GABRA3: variants seen among roughly 807,000 people sequenced by gnomAD.
The protein encoded by GABRA3 is gamma-aminobutyric acid receptor subunit alpha-3.
A neutral mutation model predicts 30.1 loss-of-function variants in GABRA3; 10 were observed. That is an observed-to-expected ratio of 0.33 (90% CI 0.20 to 0.56). GABRA3 has a LOEUF of 0.56. Among genes scored for constraint, GABRA3 ranks in the 20% least tolerant of loss-of-function variants. The pLI is 0.89. For missense variants in GABRA3, 233 were observed against 392.0 expected (o/e 0.59, Z 3.42); for synonymous variants, 151 against 146.8 (o/e 1.03, Z -0.21).
At chrX:152,304,244 G>A (rs953029558) in intron 3 of GABRA3, among the ~76,000 whole-genome samples, 2 of 111,821 alleles carry the variant, frequency 1.8e-5, no homozygotes, top group East Asian at 5.7e-4. Flanking sequence ...CTCTCATTCT[G>A]TAGGTTGTCT....
intron 1 of GABRA3, among the ~76,000 whole-genome samples, chrX:152,384,587 C>T (rs1190709200): frequency 1.8e-5 from 2 of 111,938 alleles, no homozygotes; most frequent in Non-Finnish European, 3.8e-5. Context: ...TAAATTGTAA[C>T]CTTACCCATA....
intron 1 of GABRA3, among the ~76,000 whole-genome samples, chrX:152,424,130 C>T (rs1426240339): frequency 9.1e-6 from 1 of 110,054 alleles, no homozygotes; most frequent in African/African-American, 3.3e-5. Context: ...TTCTCTAGAT[C>T]CCAGCATTCT....
At chrX:152,386,849 T>G (rs1276856073) in intron 1 of GABRA3, among the ~76,000 whole-genome samples, 3 of 109,329 alleles carry the variant, frequency 2.7e-5, no homozygotes, top group Admixed American at 2.0e-4. Context: ...CATGCACACG[T>G]ATGTTTATTG....
At chrX:152,427,999 C>G (rs187148119) in intron 1 of GABRA3, among the ~76,000 whole-genome samples, 11 of 112,279 alleles carry the variant, frequency 9.8e-5, no homozygotes, top group African/African-American at 3.2e-4. Context: ...TTATATTACC[C>G]TAAACATCTT....
intron 1 of GABRA3, among the ~76,000 whole-genome samples, chrX:152,389,674 CAATGTACCCTAAGACAACTGCAA>C (rs1201462138): frequency 3.6e-5 from 4 of 111,408 alleles, no homozygotes; most frequent in African/African-American, 9.8e-5. Context: ...CATATGATCA[CAATGTACCCTAAGACAACTGCAA>C]AATGAGCTCT....
Position 152,355,567 on chromosome X carries a change from C to T in GABRA3, c.140+8864G>A, listed in dbSNP as rs1025435718. Among the ~76,000 whole-genome samples the T allele has an allele frequency of 6.3e-5, 7 of 111,562 alleles. No individual in the cohort carries two copies. The Admixed American group carries it at 6.6e-4, about 11-fold the overall frequency. ...CCTTAGGTTCTTACTCTATTCCTTG[C>T]GGTTTCCCTCCACTTAGATCATAAC... On this transcript the variant is annotated intron_variant, in intron 2 of 9. Coordinates refer to ENST00000370314, the MANE Select transcript of GABRA3 (RefSeq NM_000808.4).
chrX:152,378,370 T>A (rs374007186), intron 1 of GABRA3, among the ~76,000 whole-genome samples: 25 of 111,520 alleles, frequency 2.2e-4, no homozygotes, highest in African/African-American at 8.1e-4. Context: ...ATCTGCAGAG[T>A]ACAGGATATT....
At chrX:152,362,885 CT>C (rs1928548902) in intron 2 of GABRA3, among the ~76,000 whole-genome samples, 1 of 111,630 alleles carries the variant, frequency 9.0e-6, no homozygotes, top group Admixed American at 9.5e-5. Context: ...ATATTTTTGT[CT>C]GTTTGTTGTT....
chrX:152,251,173 T>C (rs1423990182), intron 5 of GABRA3: 1 of 316,100 alleles, frequency 3.2e-6, no homozygotes, highest in East Asian at 1.1e-4. Flanking sequence ...ACTTCCTCTA[T>C]TCTGTAAAAC....
intron 5 of GABRA3, among the ~76,000 whole-genome samples, chrX:152,238,876 TTCTC>T (rs1199349351): frequency 9.0e-6 from 1 of 111,325 alleles, no homozygotes; most frequent in Non-Finnish European, 1.9e-5. Context: ...TATTTGATTC[TTCTC>T]TCTTTTTTTC....
chrX:152,277,934 G>A (rs1939118214), intron 4 of GABRA3, among the ~76,000 whole-genome samples: 1 of 111,266 alleles, frequency 9.0e-6, no homozygotes, highest in African/African-American at 3.3e-5. Flanking sequence ...GCAGTGTATG[G>A]GGCCAAGGCA....
chrX:152,274,605 G>T (rs965976641), intron 4 of GABRA3, among the ~76,000 whole-genome samples: 1 of 111,294 alleles, frequency 9.0e-6, no homozygotes, highest in Non-Finnish European at 1.9e-5. Context: ...CTTTAGAAGT[G>T]AACAATAGTG....
intron 5 of GABRA3, among the ~76,000 whole-genome samples, chrX:152,238,552 A>G (rs1260674781): frequency 8.3e-5 from 9 of 107,875 alleles, no homozygotes; most frequent in African/African-American, 1.7e-4. Flanking sequence ...TGATTGGAAT[A>G]GTTTCAGAAG....
Position 152,235,736 on chromosome X carries a change from G to C in GABRA3, c.552-10891C>G, listed in dbSNP as rs1938189136. ...ACACAAATAAATTGAAAATCATCTT[G>C]TGTTCATGGATTGAAAGAATTCATA... On this transcript the variant is annotated intron_variant, in intron 5 of 9. Transcript: ENST00000370314. Among the ~76,000 whole-genome samples the C allele has an allele frequency of 1.8e-5, 2 of 111,309 alleles. 1 individual carries two copies. The highest frequency in any genetic ancestry group is 6.5e-5 in the African/African-American group (2 of 30,679).
In GABRA3 at chrX:152,168,575, G is replaced by T; in HGVS notation, c.1144-12C>A. 8.7e-7 allele frequency: 1 copy of T among 1,148,448 alleles called. No individual in the cohort carries two copies. Among genetic ancestry groups the T allele is most frequent in the Non-Finnish European group, 1.2e-6 (1 of 842,630 alleles). 94.6% of individuals were successfully genotyped at this position (1,148,448 alleles called of 1,213,427 possible). Reference sequence around the variant, plus strand: ...GCTGGTGTTTTCTTCTAGAGGCCAGGAAAAAGAGGGGGGGAAAGGGAGAAA... The same window carrying T: ...GCTGGTGTTTTCTTCTAGAGGCCAGTAAAAAGAGGGGGGGAAAGGGAGAAA... On this transcript the variant is annotated splice_polypyrimidine_tract_variant and intron_variant, in intron 9 of 9. Transcript: ENST00000370314.
At chrX:152,394,477 T>TTGACCACGA (rs760021174) in intron 1 of GABRA3, 5 of 385,690 alleles carry the variant, frequency 1.3e-5, no homozygotes, top group Admixed American at 1.3e-4. Flanking sequence ...GTCTGAGCAT[T>TTGACCACGA]TGACCACGAT....
At chrX:152,238,483 G>A (rs1338049378) in intron 5 of GABRA3, among the ~76,000 whole-genome samples, 42 of 106,895 alleles carry the variant, frequency 3.9e-4, no homozygotes, top group African/African-American at 1.4e-3. Flanking sequence ...GCCCGGCTTT[G>A]GTATCAGAAT....
intron 3 of GABRA3, among the ~76,000 whole-genome samples, chrX:152,293,691 C>T (rs1206561068): frequency 1.2e-4 from 13 of 111,089 alleles, no homozygotes. Context: ...ATTATATTGC[C>T]CATTCGTTGA....
At chrX:152,344,270 GA>G (rs1167554068) in intron 3 of GABRA3, among the ~76,000 whole-genome samples, 55 of 111,679 alleles carry the variant, frequency 4.9e-4, no homozygotes, top group African/African-American at 1.8e-3. Context: ...TCCACTTAGG[GA>G]ATATGGGAAA....
Sources: allele counts gnomAD v4.1 joint callset (sites outside exome capture counted in the v4.1 genomes callset), GRCh38; gene constraint gnomAD v4.1.1; transcripts MANE v1.5; gene names NCBI Gene and HGNC (gene_info 2026-07-23, HGNC 2026-07-21).